The following PPME1 variants were observed in gnomAD, a reference collection of about 807,000 sequenced individuals.
The protein encoded by PPME1 is protein phosphatase methylesterase 1, also known as testicular secretory protein Li 39.
A neutral mutation model predicts 56.9 loss-of-function variants in PPME1; 17 were observed. The ratio of observed to expected loss-of-function variants is 0.30; its 90% CI spans 0.20 to 0.45. PPME1 has a LOEUF of 0.45. PPME1 is among the 20% of genes least tolerant of loss of function. PPME1 has a pLI of 1.00. For missense variants in PPME1, 357 were observed against 483.2 expected, an observed-to-expected ratio of 0.74 and a Z score of 2.45; for synonymous variants, 122 against 156.2, an observed-to-expected ratio of 0.78 and a Z score of 1.63.
chr11:74,206,875 G>GA (rs1252811290), intron 3 of PPME1, among the ~76,000 whole-genome samples: 1 of 152,040 alleles, frequency 6.6e-6, no homozygotes, highest in Non-Finnish European at 1.5e-5. Flanking sequence ...CCTTCAATAA[G>GA]AAAAAAACCA....
intron 5 of PPME1, 80 bp downstream of exon 5, chr11:74,225,336 G>A (rs1217980045): frequency 2.6e-5 from 27 of 1,056,182 alleles, no homozygotes; most frequent in Non-Finnish European, 3.5e-5. Context: ...TCACTTTCCT[G>A]ATGAGATTGT....
At chr11:74,175,895 C>T (rs891147172) in intron 1 of PPME1, among the ~76,000 whole-genome samples, 2 of 152,266 alleles carry the variant, frequency 1.3e-5, no homozygotes, top group Non-Finnish European at 1.5e-5. Context: ...CCCAGGACTT[C>T]GTATTTTTAG....
chr11:74,253,439 G>A, intron 13 of PPME1, 53 bp from the exon 14 acceptor site: 1 of 1,557,230 alleles, frequency 6.4e-7, no homozygotes. Flanking sequence ...ATAAGCAAGG[G>A]AAAGCTATTG....
At chr11:74,204,328 A>G in intron 2 of PPME1, 25 bp from the exon 3 acceptor site, 1 of 1,563,806 alleles carries the variant, frequency 6.4e-7, no homozygotes, top group Non-Finnish European at 8.8e-7. Flanking sequence ...AAAAACATAG[A>G]TGTTTTATCT....
At chr11:74,196,557 A>G (rs1032811028) in intron 1 of PPME1, among the ~76,000 whole-genome samples, 1 of 152,182 alleles carries the variant, frequency 6.6e-6, no homozygotes, top group Non-Finnish European at 1.5e-5. Flanking sequence ...AAGGGGTCCC[A>G]ATCCAGACCT....
At chr11:74,181,230 A>C (rs1190162039) in intron 1 of PPME1, among the ~76,000 whole-genome samples, 1 of 150,920 alleles carries the variant, frequency 6.6e-6, no homozygotes, top group Non-Finnish European at 1.5e-5. Context: ...TTGTATTTTT[A>C]GTAGAGACGG....
chr11:74,184,346 G>C (rs1160546191), intron 1 of PPME1, among the ~76,000 whole-genome samples: 1 of 152,092 alleles, frequency 6.6e-6, no homozygotes, highest in Non-Finnish European at 1.5e-5. Context: ...AGCATATTAT[G>C]GATAAGTAGG....
At chr11:74,202,782 T>C (rs1858204589) in intron 1 of PPME1, among the ~76,000 whole-genome samples, 1 of 152,156 alleles carries the variant, frequency 6.6e-6, no homozygotes, top group Non-Finnish European at 1.5e-5. Flanking sequence ...CAAAAGATAG[T>C]AAGGAACAGA....
intron 12 of PPME1, chr11:74,251,240 C>T (rs1027872723): frequency 7.2e-7 from 1 of 1,393,924 alleles, no homozygotes; most frequent in South Asian, 1.8e-5. Flanking sequence ...GCTATTTCAT[C>T]CCAGGGCCCT....
chr11:74,246,540 T>C (rs1397355905), intron 10 of PPME1, among the ~76,000 whole-genome samples: 2 of 152,186 alleles, frequency 1.3e-5, no homozygotes, highest in Admixed American at 6.5e-5. Flanking sequence ...TACAGTCACA[T>C]TGGGAATTGG....
chr11:74,222,495 T>C (rs755727781), intron 4 of PPME1, 126 bp downstream of exon 4: 18 of 840,772 alleles, frequency 2.1e-5, no homozygotes, highest in Admixed American at 4.7e-5. Context: ...GAGCTTTTTG[T>C]TGTTGTCGTT....
At chr11:74,175,497 A>G (rs1201148910) in intron 1 of PPME1, among the ~76,000 whole-genome samples, 3 of 151,974 alleles carry the variant, frequency 2.0e-5, no homozygotes, top group Non-Finnish European at 4.4e-5. Flanking sequence ...GCGAAACTCC[A>G]TCTCAAAAAA....
intron 10 of PPME1, 26 bp from the exon 11 acceptor site, chr11:74,247,053 T>G (rs1365720481): frequency 1.3e-6 from 2 of 1,596,972 alleles, no homozygotes; most frequent in Admixed American, 3.4e-5. Context: ...AAAATCTGTT[T>G]CACAATGAAT....
chr11:74,178,958 A>C (rs1249153701), intron 1 of PPME1, among the ~76,000 whole-genome samples: 1 of 152,044 alleles, frequency 6.6e-6, no homozygotes, highest in Non-Finnish European at 1.5e-5. Context: ...TAGTTCTATT[A>C]AGAGGGTGGC....
intron 4 of PPME1, among the ~76,000 whole-genome samples, 157 bp from the exon 5 acceptor site, chr11:74,225,048 A>G (rs1858899183): frequency 6.6e-6 from 1 of 152,200 alleles, no homozygotes; most frequent in Non-Finnish European, 1.5e-5. Flanking sequence ...TAGGATAACT[A>G]TAAAGATTTT....
chr11:74,209,196 T>A (rs1565384243), intron 3 of PPME1, among the ~76,000 whole-genome samples: 1 of 152,156 alleles, frequency 6.6e-6, no homozygotes, highest in Non-Finnish European at 1.5e-5. Context: ...AACCTTGACC[T>A]CCTGGGCTCA....
At chr11:74,251,980 T>G (rs561259239) in intron 13 of PPME1, 23 of 666,432 alleles carry the variant, frequency 3.5e-5, no homozygotes, top group South Asian at 3.0e-4. Flanking sequence ...GTGCATTTCT[T>G]CTTGAGGTGC....
intron 1 of PPME1, among the ~76,000 whole-genome samples, chr11:74,180,697 A>G (rs1857508877): frequency 6.6e-6 from 1 of 152,200 alleles, no homozygotes; most frequent in African/African-American, 2.4e-5. Flanking sequence ...AAAATTTGAC[A>G]ATTTATGTCT....
chr11:74,245,961 A>G (rs553517826), intron 9 of PPME1, 115 bp from the exon 10 acceptor site: 2 of 1,189,322 alleles, frequency 1.7e-6, no homozygotes, highest in East Asian at 2.6e-5. Flanking sequence ...AGGACTTAGT[A>G]GGTCCTTAAT....
Sources: gnomAD v4.1 joint callset for allele counts (sites outside exome capture counted in the v4.1 genomes callset) on GRCh38, gnomAD v4.1.1 for gene constraint, MANE v1.5 for transcripts, NCBI Gene and HGNC (gene_info 2026-07-23, HGNC 2026-07-21) for gene names.